SELENOI: variants seen among roughly 807,000 people sequenced by gnomAD.
SELENOI encodes selenoprotein I, also known as ethanolaminephosphotransferase 1.
In SELENOI, 24 loss-of-function variants were observed where a neutral mutation model predicts 50.7. The ratio of observed to expected loss-of-function variants is 0.47; its 90% confidence interval spans 0.34 to 0.67. The LOEUF (loss-of-function observed/expected upper bound fraction) is 0.67. Among genes scored for constraint, SELENOI ranks in the 30% least tolerant of loss-of-function variants. SELENOI has a pLI of 0.01. For synonymous variants in SELENOI, 155 were observed against 170.2 expected, an observed-to-expected ratio of 0.91 and a Z score of 0.70; for missense variants, 352 against 461.4, an observed-to-expected ratio of 0.76 and a Z score of 2.17.
At chr2:26,375,264 A>G (rs2147956882) in intron 6 of SELENOI, 116 bp downstream of exon 6, 1 of 602,264 alleles carries the variant, frequency 1.7e-6, no homozygotes, top group Non-Finnish European at 2.9e-6. Flanking sequence ...AGGAAGCAGA[A>G]CAACCCTACA....
chr2:26,395,104 C>G lies in SELENOI; in HGVS notation c.*6001C>G, dbSNP rs1429994285. On this transcript the variant is annotated 3_prime_UTR_variant, in exon 10 of 10. Coordinates refer to ENST00000260585, the MANE Select transcript of SELENOI (RefSeq NM_033505.4). Reference sequence around the variant, plus strand: ...GTGTTCATAGTAGCAATGTATGTACCATTTATTTTATCTGGTTGTGTGTGA... The same window carrying G: ...GTGTTCATAGTAGCAATGTATGTACGATTTATTTTATCTGGTTGTGTGTGA... 2 of 152,072 alleles carry G rather than the reference C, an allele frequency of 1.3e-5. No individual in the cohort carries two copies. Among genetic ancestry groups the G allele is most frequent in the African/African-American group, 4.8e-5 (2 of 41,390 alleles). 9.4% of individuals were successfully genotyped at this position (152,072 alleles called of 1,614,324 possible).
chr2:26,353,679 G>C (rs1677004556), intron 1 of SELENOI, among the ~76,000 whole-genome samples: 1 of 152,146 alleles, frequency 6.6e-6, no homozygotes, highest in African/African-American at 2.4e-5. Flanking sequence ...TTCTGCAGTT[G>C]GCAGAGACAA....
intron 3 of SELENOI, 96 bp from the exon 4 acceptor site, chr2:26,367,050 A>G (rs1410263480): frequency 9.6e-7 from 1 of 1,037,900 alleles, no homozygotes; most frequent in African/African-American, 1.6e-5. Flanking sequence ...TTAACTTCTA[A>G]TGAACAAATA....
intron 1 of SELENOI, among the ~76,000 whole-genome samples, chr2:26,354,775 C>T (rs1381382490): frequency 6.6e-6 from 1 of 152,060 alleles, no homozygotes; most frequent in Non-Finnish European, 1.5e-5. Flanking sequence ...ATCTAATGTA[C>T]GCAGATGGGG....
chr2:26,356,766 C>T (rs938002330), intron 1 of SELENOI, among the ~76,000 whole-genome samples: 1 of 152,008 alleles, frequency 6.6e-6, no homozygotes, highest in African/African-American at 2.4e-5. Flanking sequence ...GAATAAAATC[C>T]AACTCCCTGT....
intron 9 of SELENOI, among the ~76,000 whole-genome samples, chr2:26,387,573 G>C (rs1310389073): frequency 6.6e-6 from 1 of 151,864 alleles, no homozygotes; most frequent in Non-Finnish European, 1.5e-5. Context: ...GTACAGGCCT[G>C]TAGTCCTAGC....
intron 6 of SELENOI, among the ~76,000 whole-genome samples, chr2:26,380,320 G>C (rs1677659123): frequency 6.6e-6 from 1 of 152,028 alleles, no homozygotes; most frequent in South Asian, 2.1e-4. Context: ...AAATATTTGT[G>C]TTTCATTTTA....
At chr2:26,373,230 T>C (rs1677496501) in intron 4 of SELENOI, 137 bp from the exon 5 acceptor site, 1 of 1,044,562 alleles carries the variant, frequency 9.6e-7, no homozygotes, top group African/African-American at 1.6e-5. Flanking sequence ...TAGATTTTTA[T>C]AGTACCAGCT....
At chr2:26,348,996 CTTTTTTTTTTTTTTTT>C (rs869073468) in intron 1 of SELENOI, among the ~76,000 whole-genome samples, 68 of 57,720 alleles carry the variant, frequency 1.2e-3, no homozygotes, top group African/African-American at 3.1e-3. Context: ...TTTGGACAGG[CTTTTTTTTTTTTTTTT>C]TTTTTTTTTT....
At chr2:26,380,336 C>A (rs1677660011) in intron 6 of SELENOI, among the ~76,000 whole-genome samples, 1 of 152,138 alleles carries the variant, frequency 6.6e-6, no homozygotes, top group Non-Finnish European at 1.5e-5. Context: ...TTTTATCACT[C>A]ACTTTCATAG....
At chr2:26,383,477 C>T in intron 7 of SELENOI, 130 bp downstream of exon 7, 1 of 651,366 alleles carries the variant, frequency 1.5e-6, no homozygotes, top group South Asian at 2.0e-5. Flanking sequence ...TATTTTAAAT[C>T]TTTAATGGGG....
At chr2:26,366,351 C>A (rs1205281490) in intron 3 of SELENOI, among the ~76,000 whole-genome samples, 2 of 151,742 alleles carry the variant, frequency 1.3e-5, no homozygotes, top group Non-Finnish European at 2.9e-5. Flanking sequence ...GTATTTTAAT[C>A]CTCAGGACAC....
intron 1 of SELENOI, among the ~76,000 whole-genome samples, chr2:26,359,302 G>T (rs1677127378): frequency 6.6e-6 from 1 of 152,138 alleles, no homozygotes; most frequent in East Asian, 1.9e-4. Context: ...AAAGATTTAG[G>T]TGTGACAGGG....
At chr2:26,376,321 CTG>C (rs1352478816) in intron 6 of SELENOI, among the ~76,000 whole-genome samples, 2 of 152,068 alleles carry the variant, frequency 1.3e-5, no homozygotes, top group Admixed American at 1.3e-4. Flanking sequence ...CCTGTATAAA[CTG>C]TTTTTTCTTT....
In SELENOI at chr2:26,389,536, G is replaced by A. The variant is rs74360586; in HGVS notation, c.*433G>A. On this transcript the variant is annotated 3_prime_UTR_variant, in exon 10 of 10. Coordinates refer to ENST00000260585, the MANE Select transcript of SELENOI (RefSeq NM_033505.4). Reference sequence around the variant, plus strand: ...TAGCAGTAGTCCAAACCTAGTATAGGGAAAGGATAAAAATAAGTCACCTTC... The same window carrying A: ...TAGCAGTAGTCCAAACCTAGTATAGAGAAAGGATAAAAATAAGTCACCTTC... 3.1e-4 allele frequency: 48 copies of A among 154,196 alleles called. No individual in the cohort carries two copies. The East Asian group carries it at 6.7e-3, about 21-fold the overall frequency. The allele number at this position is 154,196 out of a possible 1,614,324, so 9.6% of individuals were successfully genotyped here.
intron 3 of SELENOI, among the ~76,000 whole-genome samples, chr2:26,365,835 T>C (rs1228066553): frequency 7.0e-6 from 1 of 143,218 alleles, no homozygotes; most frequent in African/African-American, 2.7e-5. Context: ...GGAGTGTCAC[T>C]CTGTCGCCCA....
intron 1 of SELENOI, among the ~76,000 whole-genome samples, chr2:26,353,338 T>C (rs1338888649): frequency 1.3e-5 from 2 of 152,244 alleles, no homozygotes; most frequent in Non-Finnish European, 2.9e-5. Context: ...CATTTGTGAA[T>C]GAGTTGTCCT....
intron 3 of SELENOI, among the ~76,000 whole-genome samples, chr2:26,365,186 A>G (rs2147950470): frequency 6.6e-6 from 1 of 152,348 alleles, no homozygotes; most frequent in Middle Eastern, 3.4e-3. Context: ...ATGAATACAA[A>G]CAGGGCTCAG....
chr2:26,364,737 A>G lies in SELENOI; in HGVS notation c.127-95A>G, dbSNP rs1046643403. On this transcript the variant is annotated intron_variant, in intron 2 of 9. Transcript: ENST00000260585. ...CTTCTCCATATGATCTTTCAAATGT[A>G]TAGCTTTTATTATGACTTCAGTTTG... is the stretch of plus-strand genomic sequence containing the variant. 3.7e-6 allele frequency: 3 copies of G among 816,334 alleles called. No individual in the cohort carries two copies. In the African/African-American group the frequency reaches 5.3e-5, roughly 14 times the overall value. The allele number at this position is 816,334 out of a possible 1,614,324, so 50.6% of individuals were successfully genotyped here. A position where few individuals can be genotyped will look rare whatever the true frequency, so the allele number is the denominator to read the frequency against.
Sources: gnomAD v4.1 joint callset for allele counts (sites outside exome capture counted in the v4.1 genomes callset) on GRCh38, gnomAD v4.1.1 for gene constraint, MANE v1.5 for transcripts, NCBI Gene and HGNC (gene_info 2026-07-23, HGNC 2026-07-21) for gene names.